Variants in NTN4 observed in about 807,000 individuals in gnomAD.
The protein encoded by NTN4 is netrin 4.
A neutral mutation model predicts 73.6 loss-of-function variants in NTN4; 32 were observed. The ratio of observed to expected loss-of-function variants is 0.44; its 90% CI spans 0.33 to 0.58. NTN4 has a LOEUF of 0.58. Ranked by LOEUF, NTN4 falls within the 20% of genes least tolerant of loss-of-function variation. NTN4 has a pLI of 0.04. For missense variants in NTN4, 654 were observed against 798.3 expected (o/e 0.82, Z 2.18); for synonymous variants, 258 against 287.5 (o/e 0.90, Z 1.04).
chr12:95,774,598 A>G (rs2079079044), intron 2 of NTN4, among the ~76,000 whole-genome samples: 1 of 152,236 alleles, frequency 6.6e-6, no homozygotes, highest in African/African-American at 2.4e-5. Flanking sequence ...GAAATTCTAA[A>G]TATTGCTTAA....
At position 95,790,436 on chromosome 12, in the gene NTN4, GCGCCGGGCTCGGTCAGCGGT is replaced by G; in HGVS notation, c.-147_-128del. ...GCCCTGGTTTCTTCCTCCTCCTGGGGCGCCGGGCTCGGTCAGCGGTCGCCGGCAGCTGGGAGCCAGGGGCC... is the reference window on the plus strand; with the variant it reads ...GCCCTGGTTTCTTCCTCCTCCTGGGGCGCCGGCAGCTGGGAGCCAGGGGCC... On this transcript the variant is annotated 5_prime_UTR_variant, in exon 1 of 10. It removes the in-frame stop codon of an upstream open reading frame in the 5' UTR. Transcript: ENST00000343702. This position sits in a 1 kb window ranked among gnomAD's most constrained non-coding sequence, Gnocchi z 6.5. 1.3e-6 allele frequency: 1 copy of G among 792,506 alleles called. No homozygotes were observed. Among genetic ancestry groups the G allele is most frequent in the Non-Finnish European group, 1.8e-6 (1 of 549,514 alleles). The allele number at this position is 792,506 out of a possible 1,614,324, so 49.1% of individuals were successfully genotyped here.
intron 7 of NTN4, chr12:95,672,331 CCAG>C (rs1458243061): frequency 1.3e-6 from 1 of 787,654 alleles, no homozygotes; most frequent in Non-Finnish European, 2.3e-6. Flanking sequence ...TGGTGCTGAT[CCAG>C]CATGGAGAGT....
chr12:95,715,859 C>A (rs2078601248), intron 3 of NTN4, among the ~76,000 whole-genome samples: 1 of 152,006 alleles, frequency 6.6e-6, no homozygotes, highest in African/African-American at 2.4e-5. Flanking sequence ...TGGCAAATTT[C>A]TGTAAAAGCT....
chr12:95,659,275 G>A, intron 9 of NTN4, 53 bp from the exon 10 acceptor site: 4 of 1,371,232 alleles, frequency 2.9e-6, no homozygotes, highest in Non-Finnish European at 4.0e-6. Context: ...GTTGAAGGGA[G>A]AGATGTGACT....
intron 5 of NTN4, among the ~76,000 whole-genome samples, chr12:95,706,395 T>C (rs1004643779): frequency 6.6e-5 from 10 of 152,240 alleles, no homozygotes; most frequent in Non-Finnish European, 1.0e-4. Context: ...TTAGGCACTA[T>C]AAAAGGGCTT....
intron 7 of NTN4, among the ~76,000 whole-genome samples, chr12:95,679,441 T>C (rs2078298780): frequency 6.6e-6 from 1 of 152,188 alleles, no homozygotes; most frequent in Non-Finnish European, 1.5e-5. Flanking sequence ...CCATTATCGA[T>C]AACTGCTACT....
chr12:95,760,388 C>T (rs1275495136), intron 2 of NTN4, among the ~76,000 whole-genome samples: 3 of 152,108 alleles, frequency 2.0e-5, no homozygotes, highest in Non-Finnish European at 4.4e-5. Flanking sequence ...AGTATTTAGC[C>T]GAAAACTTAA....
chr12:95,689,067 C>A (rs1046388503), intron 5 of NTN4, among the ~76,000 whole-genome samples: 26 of 152,124 alleles, frequency 1.7e-4, no homozygotes, highest in Admixed American at 2.0e-4. Flanking sequence ...ATCTGTGCAA[C>A]CTTCCCCCCA....
At chr12:95,691,956 C>G (rs1226538044) in intron 5 of NTN4, among the ~76,000 whole-genome samples, 1 of 152,092 alleles carries the variant, frequency 6.6e-6, no homozygotes, top group Admixed American at 6.6e-5. Flanking sequence ...GGTGGCAAAA[C>G]AAAATTATTA....
chr12:95,773,348 A>G (rs2079070654), intron 2 of NTN4, among the ~76,000 whole-genome samples: 1 of 152,196 alleles, frequency 6.6e-6, no homozygotes, highest in Non-Finnish European at 1.5e-5. Context: ...AAATGACTTT[A>G]TAAGTAAGCC....
At chr12:95,673,088 T>C (rs527276306) in intron 7 of NTN4, 2 of 1,364,034 alleles carry the variant, frequency 1.5e-6, no homozygotes, top group Admixed American at 3.6e-5. Context: ...GGCGGACTAC[T>C]GTCCCCAGGA....
At chr12:95,738,484 C>G (rs1235738532) in intron 2 of NTN4, among the ~76,000 whole-genome samples, 1 of 152,078 alleles carries the variant, frequency 6.6e-6, no homozygotes, top group African/African-American at 2.4e-5. Flanking sequence ...TTGGCTTGCT[C>G]AAGGAAGAAC....
At chr12:95,687,590 G>A (rs2078371587) in intron 5 of NTN4, among the ~76,000 whole-genome samples, 2 of 151,776 alleles carry the variant, frequency 1.3e-5, no homozygotes, top group African/African-American at 4.8e-5. Context: ...TAATAGAGAT[G>A]GAGTTTCACC....
At chr12:95,735,872 C>A (rs1192162669) in intron 3 of NTN4, among the ~76,000 whole-genome samples, 1 of 151,376 alleles carries the variant, frequency 6.6e-6, no homozygotes, top group African/African-American at 2.4e-5. Context: ...GAAAGTAATA[C>A]TTTTAAATGC....
At position 95,735,905 on chromosome 12, in the gene NTN4, TTTTATTTA is replaced by T. The variant is rs201591613; in HGVS notation, c.864+1953_864+1960del. 7.0e-3 allele frequency among the ~76,000 whole-genome samples: 709 copies of T among 101,652 alleles called. 3 individuals are homozygous for T. Among genetic ancestry groups the T allele is most frequent in the African/African-American group, 0.015 (515 of 33,426 alleles). The allele number at this position is 101,652 out of a possible 152,430, so 66.7% of individuals were successfully genotyped here. A position where few individuals can be genotyped will look rare whatever the true frequency, so the allele number is the denominator to read the frequency against. On this transcript the variant is annotated intron_variant, in intron 3 of 9. Transcript: ENST00000343702. ...TGCCTGCTCATGATTTTTTTTAAAT[TTTTATTTA>T]TTTATTTATTTATTTATTTATTTAT...
chr12:95,777,853 C>T (rs1035153047), intron 2 of NTN4, among the ~76,000 whole-genome samples: 5 of 152,212 alleles, frequency 3.3e-5, no homozygotes, highest in Admixed American at 6.5e-5. Context: ...CCTAAATTAA[C>T]AGAATATACA....
intron 2 of NTN4, among the ~76,000 whole-genome samples, chr12:95,740,488 G>A (rs1455026611): frequency 6.6e-6 from 1 of 152,164 alleles, no homozygotes; most frequent in Non-Finnish European, 1.5e-5. Flanking sequence ...TAGAAAGTCA[G>A]GGATTGCGCT....
intron 2 of NTN4, among the ~76,000 whole-genome samples, chr12:95,770,439 G>A (rs527328677): frequency 3.0e-4 from 45 of 152,284 alleles, no homozygotes; most frequent in African/African-American, 1.1e-3. Flanking sequence ...AGAGTGAGGT[G>A]CCCGGCTCTC....
intron 3 of NTN4, among the ~76,000 whole-genome samples, chr12:95,722,860 C>G (rs11108214): frequency 0.096 from 14,140 of 147,812 alleles, 906 homozygotes; most frequent in Non-Finnish European, 0.14. Context: ...TGTAATTCCA[C>G]TTACTTGGGA....
Sources: gnomAD v4.1 joint callset for allele counts (sites outside exome capture counted in the v4.1 genomes callset) on GRCh38, gnomAD v4.1.1 for gene constraint, Gnocchi (gnomAD v3.1) non-coding constraint, MANE v1.5 for transcripts, NCBI Gene and HGNC (gene_info 2026-07-23, HGNC 2026-07-21) for gene names.